Variants in AUH observed in about 807,000 individuals in gnomAD.
The protein encoded by AUH is methylglutaconyl-CoA hydratase, mitochondrial.
A neutral mutation model predicts 42.3 loss-of-function variants in AUH; 29 were observed. That is an observed-to-expected ratio of 0.69 (90% confidence interval 0.51 to 0.93). The LOEUF is 0.93. AUH is among the 40% of genes least tolerant of loss of function. The probability of loss-of-function intolerance (pLI) is 0.00; values close to 1 mark genes in which losing one functional copy is unlikely to be tolerated. For missense variants in AUH, 452 were observed against 438.1 expected (o/e 1.03, Z -0.28); for synonymous variants, 174 against 166.4 (o/e 1.05, Z -0.35).
chr9:91,322,557 G>A (rs1198337208), intron 4 of AUH, among the ~76,000 whole-genome samples: 1 of 152,154 alleles, frequency 6.6e-6, no homozygotes, highest in Non-Finnish European at 1.5e-5. Flanking sequence ...CTAAGAAAGT[G>A]AGAAAACAGT....
intron 6 of AUH, among the ~76,000 whole-genome samples, chr9:91,291,095 C>T (rs1376135026): frequency 6.6e-6 from 1 of 152,136 alleles, no homozygotes; most frequent in Admixed American, 6.5e-5. Flanking sequence ...CTGCCGACAA[C>T]CCTTGGCATT....
At chr9:91,296,495 A>C (rs937150261) in intron 5 of AUH, among the ~76,000 whole-genome samples, 1 of 152,194 alleles carries the variant, frequency 6.6e-6, no homozygotes. Context: ...GTCATATCAG[A>C]TATGGCAACT....
intron 6 of AUH, among the ~76,000 whole-genome samples, chr9:91,249,298 A>AAAAAAAAAAAAAG (rs1828985000): frequency 3.1e-4 from 34 of 110,868 alleles, no homozygotes; most frequent in South Asian, 6.0e-4. Flanking sequence ...GTCTCAAAAA[A>AAAAAAAAAAAAAG]AAAAAAAAAA....
At chr9:91,225,208 T>C (rs1456982979) in intron 6 of AUH, among the ~76,000 whole-genome samples, 1 of 152,212 alleles carries the variant, frequency 6.6e-6, no homozygotes, top group East Asian at 1.9e-4. Flanking sequence ...TGCCAAAATC[T>C]TGGTGCAATC....
chr9:91,289,376 A>G (rs1170502720), intron 6 of AUH, among the ~76,000 whole-genome samples: 2 of 152,190 alleles, frequency 1.3e-5, no homozygotes, highest in East Asian at 3.8e-4. Context: ...TTTGGCTGTC[A>G]GCACCTGCTC....
At chr9:91,299,794 T>C (rs1370349839) in intron 4 of AUH, among the ~76,000 whole-genome samples, 1 of 152,140 alleles carries the variant, frequency 6.6e-6, no homozygotes, top group Admixed American at 6.5e-5. Context: ...TCTCAACTCC[T>C]CTTCCTTCCT....
At chr9:91,291,030 C>T (rs571554548) in intron 6 of AUH, among the ~76,000 whole-genome samples, 31 of 152,268 alleles carry the variant, frequency 2.0e-4, no homozygotes, top group African/African-American at 7.2e-4. Context: ...GTGGTTCCTT[C>T]GAGAGGCTCT....
chr9:91,348,942 A>T (rs547646849), intron 3 of AUH, among the ~76,000 whole-genome samples: 1 of 152,342 alleles, frequency 6.6e-6, no homozygotes, highest in Admixed American at 6.5e-5. Context: ...ATATGACAAC[A>T]ACAAAAAAAC....
At chr9:91,223,704 A>C (rs992999425) in intron 6 of AUH, among the ~76,000 whole-genome samples, 1 of 152,110 alleles carries the variant, frequency 6.6e-6, no homozygotes, top group Non-Finnish European at 1.5e-5. Flanking sequence ...CAAGAATTCC[A>C]ATTTCTCTAC....
chr9:91,230,477 A>G (rs1348606420), intron 6 of AUH, among the ~76,000 whole-genome samples: 4 of 151,884 alleles, frequency 2.6e-5, no homozygotes, highest in Non-Finnish European at 5.9e-5. Context: ...CAAAGTTTTC[A>G]ACTTCTTTGC....
intron 3 of AUH, among the ~76,000 whole-genome samples, chr9:91,346,870 A>AC (rs796236726): frequency 3.9e-5 from 6 of 152,226 alleles, no homozygotes; most frequent in African/African-American, 1.4e-4. Context: ...TAAAAAAAAA[A>AC]AAAAAACACT....
intron 6 of AUH, among the ~76,000 whole-genome samples, chr9:91,228,937 G>C (rs1827697764): frequency 6.6e-6 from 1 of 152,166 alleles, no homozygotes; most frequent in Admixed American, 6.5e-5. Context: ...TTTAATTTCT[G>C]TTATTTTACA....
intron 6 of AUH, among the ~76,000 whole-genome samples, chr9:91,245,085 G>T (rs1250558871): frequency 6.6e-6 from 1 of 152,134 alleles, no homozygotes; most frequent in African/African-American, 2.4e-5. Context: ...GAGAGGGAAG[G>T]GATGAGAGGT....
intron 3 of AUH, among the ~76,000 whole-genome samples, chr9:91,327,479 C>T (rs941265981): frequency 1.3e-5 from 2 of 152,130 alleles, no homozygotes; most frequent in African/African-American, 4.8e-5. Context: ...CCATTCTAAC[C>T]CATAAAAACC....
intron 6 of AUH, among the ~76,000 whole-genome samples, chr9:91,251,941 A>AT (rs1829149461): frequency 6.6e-6 from 1 of 151,814 alleles, no homozygotes; most frequent in African/African-American, 2.4e-5. Flanking sequence ...CAACCTTTTT[A>AT]TTTTTTTTAA....
chr9:91,278,729 C>T (rs973213247), intron 6 of AUH, among the ~76,000 whole-genome samples: 10 of 152,128 alleles, frequency 6.6e-5, no homozygotes, highest in African/African-American at 2.4e-4. Context: ...GATAGGGTAG[C>T]AAAGACTGGA....
chr9:91,301,990 A>C (rs1827821123), intron 4 of AUH, among the ~76,000 whole-genome samples: 1 of 152,232 alleles, frequency 6.6e-6, no homozygotes, highest in African/African-American at 2.4e-5. Context: ...ATGGGTAATT[A>C]AATATTAGTC....
intron 6 of AUH, among the ~76,000 whole-genome samples, chr9:91,227,611 G>A (rs1197247471): frequency 4.0e-5 from 5 of 124,486 alleles, no homozygotes. Context: ...TGGTGAGAGA[G>A]GGCATCCCTG....
chr9:91,219,663 G>A (rs1827021959), intron 7 of AUH, among the ~76,000 whole-genome samples: 1 of 152,210 alleles, frequency 6.6e-6, no homozygotes, highest in African/African-American at 2.4e-5. Flanking sequence ...AGAGCTAACA[G>A]CTCCTAAGTT....
Sources: gnomAD v4.1 joint callset for allele counts (sites outside exome capture counted in the v4.1 genomes callset) on GRCh38, gnomAD v4.1.1 for gene constraint, MANE v1.5 for transcripts, NCBI Gene and HGNC (gene_info 2026-07-23, HGNC 2026-07-21) for gene names.